Variants in DOCK2 observed in about 807,000 individuals in gnomAD.
The protein encoded by DOCK2 is dedicator of cytokinesis protein 2.
A neutral mutation model predicts 248.9 loss-of-function variants in DOCK2; 87 were observed. The observed-to-expected ratio is 0.35, with a 90% CI of 0.29 to 0.42. The LOEUF (loss-of-function observed/expected upper bound fraction) is 0.42. Ranked by LOEUF, DOCK2 falls within the 10% of genes least tolerant of loss-of-function variation. The probability of loss-of-function intolerance (pLI) is 1.00; values close to 1 mark genes in which losing one functional copy is unlikely to be tolerated. For synonymous variants in DOCK2, 805 were observed against 821.6 expected (o/e 0.98, Z 0.35); for missense variants, 1,747 against 2,300.2 (o/e 0.76, Z 4.92).
chr5:169,872,070 A>G (rs1772014123), intron 27 of DOCK2, among the ~76,000 whole-genome samples: 1 of 152,148 alleles, frequency 6.6e-6, no homozygotes, highest in South Asian at 2.1e-4. Flanking sequence ...CACTCTAAGC[A>G]AGTTGGCCGA....
chr5:169,837,717 C>T (rs908665538), intron 26 of DOCK2, among the ~76,000 whole-genome samples: 1 of 152,090 alleles, frequency 6.6e-6, no homozygotes, highest in Non-Finnish European at 1.5e-5. Context: ...AAGCAATTTG[C>T]CCAAGGTCAC....
intron 22 of DOCK2, among the ~76,000 whole-genome samples, chr5:169,722,905 CTG>C (rs1050123869): frequency 2.0e-5 from 3 of 152,184 alleles, no homozygotes; most frequent in African/African-American, 7.2e-5. Flanking sequence ...TACCAGGTGT[CTG>C]TGCTTTTTGA....
intron 27 of DOCK2, among the ~76,000 whole-genome samples, chr5:169,871,929 A>G (rs972783708): frequency 6.6e-6 from 1 of 152,190 alleles, no homozygotes; most frequent in East Asian, 1.9e-4. Context: ...TGAAGATAAT[A>G]TCTGGGGTCA....
intron 27 of DOCK2, among the ~76,000 whole-genome samples, chr5:169,845,711 G>A (rs951820802): frequency 6.6e-6 from 1 of 152,176 alleles, no homozygotes; most frequent in African/African-American, 2.4e-5. Context: ...CCTTGCAAAG[G>A]TTGTAAGTTG....
At chr5:169,974,010 C>T (rs1362515640) in intron 27 of DOCK2, among the ~76,000 whole-genome samples, 3 of 152,152 alleles carry the variant, frequency 2.0e-5, no homozygotes, top group African/African-American at 4.8e-5. Flanking sequence ...GTGAGGTGGA[C>T]GATCACACAC....
chr5:169,637,305 G>T lies in DOCK2; in HGVS notation c.-22G>T. ...CCCCCTGACGGCTTCCCCACGGGAG[G>T]ACGCGAGGCCCCGGCCCAGCCATGG... On this transcript the variant is annotated 5_prime_UTR_variant, in exon 1 of 52. Coordinates refer to ENST00000520908, the MANE Select transcript of DOCK2 (RefSeq NM_004946.3). 3 of 1,429,362 alleles carry T rather than the reference G, an allele frequency of 2.1e-6. No individual in the cohort carries two copies. Among genetic ancestry groups the T allele is most frequent in the South Asian group, 1.4e-5 (1 of 71,050 alleles). 88.5% of individuals were successfully genotyped at this position (1,429,362 alleles called of 1,614,324 possible).
intron 27 of DOCK2, chr5:169,864,348 T>C (rs755490473): frequency 1.9e-5 from 30 of 1,551,408 alleles, no homozygotes; most frequent in Non-Finnish European, 2.5e-5. Context: ...GGGCTGGGGG[T>C]TCTGCTGGGG....
chr5:169,718,774 G>A lies in DOCK2; in HGVS notation c.2250G>A (p.Ser750=), dbSNP rs200305228. ...LEYVFKFIVR[S]RTLFSQLYEG... ...ATGTGTTCAAGTTCATTGTTCGGTC[G>A]AGGACATTATTTTCACAGTGAGTAC... The change falls in exon 22 of 52, where the codon TCG becomes TCA. Residue 750 remains serine, a synonymous_variant. Coordinates refer to ENST00000520908, the MANE Select transcript of DOCK2 (RefSeq NM_004946.3). The A allele has an allele frequency of 6.8e-5, 110 of 1,613,488 alleles. No homozygotes were observed. Among genetic ancestry groups the A allele is most frequent in the Non-Finnish European group, 8.6e-5 (102 of 1,179,530 alleles).
At chr5:169,698,554 G>C in intron 11 of DOCK2, 105 bp downstream of exon 11, 1 of 1,272,810 alleles carries the variant, frequency 7.9e-7, no homozygotes, top group East Asian at 2.5e-5. Context: ...TGATAGGCAG[G>C]TGGAGCCTCC....
intron 33 of DOCK2, among the ~76,000 whole-genome samples, chr5:170,022,309 G>A (rs1440201473): frequency 6.6e-6 from 1 of 152,140 alleles, no homozygotes; most frequent in East Asian, 1.9e-4. Flanking sequence ...ACAGGAAGGT[G>A]TTAGACTCTC....
intron 26 of DOCK2, among the ~76,000 whole-genome samples, chr5:169,840,535 A>G (rs1769887039): frequency 6.6e-6 from 1 of 152,136 alleles, no homozygotes. Context: ...TCAGGTGACT[A>G]GTGGAATTTT....
At chr5:170,041,649 G>C (rs537183892) in intron 37 of DOCK2, among the ~76,000 whole-genome samples, 1 of 152,352 alleles carries the variant, frequency 6.6e-6, no homozygotes, top group South Asian at 2.1e-4. Flanking sequence ...CTCTCTGACT[G>C]ACACTGGCAC....
chr5:169,702,152 A>C, intron 13 of DOCK2, 151 bp from the exon 14 acceptor site: 1 of 902,838 alleles, frequency 1.1e-6, no homozygotes, highest in Non-Finnish European at 1.6e-6. Flanking sequence ...CTCCCTGATG[A>C]GGGAAAAATG....
chr5:169,776,454 C>A (rs1211564252), intron 25 of DOCK2, among the ~76,000 whole-genome samples: 2 of 152,038 alleles, frequency 1.3e-5, no homozygotes, highest in Non-Finnish European at 2.9e-5. Flanking sequence ...TGTGAGCCAC[C>A]ACACTTGGCC....
chr5:169,696,769 C>T (rs1235630772), intron 10 of DOCK2, among the ~76,000 whole-genome samples: 3 of 152,022 alleles, frequency 2.0e-5, no homozygotes, highest in Non-Finnish European at 4.4e-5. Context: ...TCCAACTAGT[C>T]CCCTGGCACT....
intron 15 of DOCK2, among the ~76,000 whole-genome samples, chr5:169,708,618 G>A (rs559917299): frequency 6.6e-6 from 1 of 151,134 alleles, no homozygotes; most frequent in East Asian, 2.0e-4. Flanking sequence ...AGGCTGGAGT[G>A]TAGTTTTACC....
chr5:170,049,667 AC>A (rs370855466), intron 40 of DOCK2, among the ~76,000 whole-genome samples: 15 of 152,210 alleles, frequency 9.9e-5, no homozygotes, highest in African/African-American at 3.6e-4. Context: ...CCTAACCACT[AC>A]CCCGTAGGTT....
intron 25 of DOCK2, among the ~76,000 whole-genome samples, chr5:169,801,034 C>T (rs531832606): frequency 1.5e-5 from 2 of 130,012 alleles, no homozygotes; most frequent in East Asian, 5.1e-4. Context: ...TGGCTCACTG[C>T]AATTTCTGCC....
At chr5:169,771,417 G>A (rs1765079343) in intron 25 of DOCK2, among the ~76,000 whole-genome samples, 1 of 152,244 alleles carries the variant, frequency 6.6e-6, no homozygotes, top group South Asian at 2.1e-4. Context: ...CTGAGTAGCT[G>A]GGATTACAGG....
Sources: gnomAD v4.1 joint callset for allele counts (sites outside exome capture counted in the v4.1 genomes callset) on GRCh38, gnomAD v4.1.1 for gene constraint, MANE v1.5 for transcripts, NCBI Gene and HGNC (gene_info 2026-07-23, HGNC 2026-07-21) for gene names.